UBE2G2: variants seen among roughly 807,000 people sequenced by gnomAD.
The protein encoded by UBE2G2 is ubiquitin conjugating enzyme E2 G2.
In UBE2G2, 10 loss-of-function variants were observed where a neutral mutation model predicts 23.0. The ratio of observed to expected loss-of-function variants is 0.43; its 90% CI spans 0.27 to 0.74. UBE2G2 has a LOEUF of 0.74. Among genes scored for constraint, UBE2G2 ranks in the 30% least tolerant of loss-of-function variants. UBE2G2 has a pLI of 0.19. For missense variants in UBE2G2, 150 were observed against 218.3 expected (o/e 0.69, Z 1.97); for synonymous variants, 86 against 81.3 (o/e 1.06, Z -0.31).
At chr21:44,790,806 CA>C (rs1428678046) in intron 1 of UBE2G2, among the ~76,000 whole-genome samples, 2 of 152,100 alleles carry the variant, frequency 1.3e-5, no homozygotes, top group African/African-American at 4.8e-5. Context: ...AAATTGGTAC[CA>C]GGGGTACTGC....
intron 3 of UBE2G2, among the ~76,000 whole-genome samples, chr21:44,782,237 A>G (rs1555961427): frequency 6.6e-6 from 1 of 152,174 alleles, no homozygotes; most frequent in Non-Finnish European, 1.5e-5. Context: ...AAATTCACAT[A>G]CTCTAATCTA....
At chr21:44,797,978 A>G (rs1248198005) in intron 1 of UBE2G2, among the ~76,000 whole-genome samples, 3 of 152,010 alleles carry the variant, frequency 2.0e-5, no homozygotes, top group African/African-American at 7.3e-5. Context: ...CCCTGACAAC[A>G]TAGAGGGAGG....
chr21:44,785,181 G>A (rs2082985880), intron 3 of UBE2G2, among the ~76,000 whole-genome samples: 1 of 152,204 alleles, frequency 6.6e-6, no homozygotes, highest in South Asian at 2.1e-4. Context: ...ACTGGGCCAA[G>A]AGCAGCAGGC....
intron 1 of UBE2G2, among the ~76,000 whole-genome samples, chr21:44,791,935 G>A (rs2083048760): frequency 6.6e-6 from 1 of 152,246 alleles, no homozygotes; most frequent in African/African-American, 2.4e-5. Context: ...CCCTGTATCA[G>A]TGTGCCCTGG....
chr21:44,773,805 T>C (rs2082892355), intron 4 of UBE2G2, 118 bp from the exon 5 acceptor site: 1 of 1,394,536 alleles, frequency 7.2e-7, no homozygotes, highest in South Asian at 1.4e-5. Flanking sequence ...CCAAGCTGTT[T>C]GCACAGCTGG....
At position 44,771,551 on chromosome 21, in the gene UBE2G2, G is replaced by T; in HGVS notation, c.386-62C>A. 1 of 1,535,344 alleles carries T rather than the reference G, an allele frequency of 6.5e-7. No homozygotes were observed. Among genetic ancestry groups the T allele is most frequent in the Non-Finnish European group, 8.9e-7 (1 of 1,120,868 alleles). ...GTCTTATACGTAAGCAGCCTGGCAAGGTCTCCCATTTATTTAAAACACTGG... is the reference window on the plus strand; with the variant it reads ...GTCTTATACGTAAGCAGCCTGGCAATGTCTCCCATTTATTTAAAACACTGG... On this transcript the variant is annotated intron_variant, in intron 5 of 5. Coordinates refer to ENST00000345496, the MANE Select transcript of UBE2G2 (RefSeq NM_003343.6). The surrounding 1 kb of genome is among the most constrained non-coding windows in gnomAD (Gnocchi z 4.6).
At chr21:44,790,472 C>A (rs2083034372) in intron 1 of UBE2G2, among the ~76,000 whole-genome samples, 1 of 152,242 alleles carries the variant, frequency 6.6e-6, no homozygotes, top group Non-Finnish European at 1.5e-5. Flanking sequence ...CAAATTTCAT[C>A]TTGAATTGTA....
chr21:44,790,891 G>A (rs2083037672), intron 1 of UBE2G2, among the ~76,000 whole-genome samples: 2 of 152,230 alleles, frequency 1.3e-5, no homozygotes. Context: ...AGTTTGAAGG[G>A]CTTAGAAGAA....
At chr21:44,779,515 C>T (rs540740337) in intron 3 of UBE2G2, among the ~76,000 whole-genome samples, 10 of 152,142 alleles carry the variant, frequency 6.6e-5, no homozygotes, top group South Asian at 2.1e-4. Context: ...GTACCCCCCC[C>T]GGCCCACACT....
At chr21:44,788,209 AC>A in intron 1 of UBE2G2, 114 bp from the exon 2 acceptor site, 1 of 1,006,480 alleles carries the variant, frequency 9.9e-7, no homozygotes. Flanking sequence ...ATGCATATTA[AC>A]AAGTGAAAAT....
intron 2 of UBE2G2, 36 bp from the exon 3 acceptor site, chr21:44,788,001 T>G (rs1374126910): frequency 1.2e-6 from 2 of 1,610,996 alleles, no homozygotes; most frequent in Non-Finnish European, 1.7e-6. Flanking sequence ...ACATTTTAAC[T>G]TTGAAGGAAC....
intron 1 of UBE2G2, among the ~76,000 whole-genome samples, chr21:44,794,358 T>C (rs1434632483): frequency 6.6e-6 from 1 of 152,216 alleles, no homozygotes; most frequent in African/African-American, 2.4e-5. Flanking sequence ...AACTTTGATA[T>C]GGATCCCAAA....
chr21:44,778,237 A>G (rs1483474352), intron 3 of UBE2G2, among the ~76,000 whole-genome samples: 1 of 152,270 alleles, frequency 6.6e-6, no homozygotes, highest in African/African-American at 2.4e-5. Flanking sequence ...TGCAACCTTC[A>G]AGAAGCAGAT....
chr21:44,787,991 A>G lies in UBE2G2; in HGVS notation c.80-26T>C, dbSNP rs200782379. 1.9e-6 allele frequency: 3 copies of G among 1,611,676 alleles called. No homozygotes were observed. The East Asian group carries it at 6.7e-5, about 36-fold the overall frequency. On this transcript the variant is annotated intron_variant, in intron 2 of 5. Coordinates refer to ENST00000345496, the MANE Select transcript of UBE2G2 (RefSeq NM_003343.6). ...CTGTAGGGTGAGAAAAAATTTCACA[A>G]CATTTTAACTTTGAAGGAACTTTGG...
chr21:44,775,068 A>C, intron 4 of UBE2G2: 1 of 193,566 alleles, frequency 5.2e-6, no homozygotes, highest in Non-Finnish European at 1.1e-5. Flanking sequence ...CATTCTGGTC[A>C]TGCCACTCCC....
chr21:44,796,510 T>TAC (rs1451890196), intron 1 of UBE2G2, among the ~76,000 whole-genome samples: 1 of 151,946 alleles, frequency 6.6e-6, no homozygotes. Context: ...GATGTTAAGA[T>TAC]ACACACACAA....
intron 3 of UBE2G2, 137 bp from the exon 4 acceptor site, chr21:44,777,554 TC>T: frequency 1.2e-6 from 1 of 801,094 alleles, no homozygotes; most frequent in Non-Finnish European, 2.1e-6. Flanking sequence ...ACGCCTGTAA[TC>T]CCAGCACTTT....
chr21:44,769,337 C>T lies in UBE2G2; in HGVS notation c.*2040G>A, dbSNP rs1195857845. 2.0e-5 allele frequency: 3 copies of T among 152,050 alleles called. No homozygotes were observed. Among genetic ancestry groups the T allele is most frequent in the Non-Finnish European group, 2.9e-5 (2 of 68,090 alleles). 9.4% of individuals were successfully genotyped at this position (152,050 alleles called of 1,614,324 possible). A position where few individuals can be genotyped will look rare whatever the true frequency, so the allele number is the denominator to read the frequency against. Reference sequence around the variant, plus strand: ...AACATAGGTATAATACCGCTCCTTTCCCCCATCTCCTTCCAAATACGAGTT... The same window carrying T: ...AACATAGGTATAATACCGCTCCTTTTCCCCATCTCCTTCCAAATACGAGTT... On this transcript the variant is annotated 3_prime_UTR_variant, in exon 6 of 6. Coordinates refer to ENST00000345496, the MANE Select transcript of UBE2G2 (RefSeq NM_003343.6).
chr21:44,784,352 A>G (rs2082979136), intron 3 of UBE2G2, among the ~76,000 whole-genome samples: 1 of 152,196 alleles, frequency 6.6e-6, no homozygotes, highest in South Asian at 2.1e-4. Context: ...TTTTACAGCT[A>G]CATGGCATTA....
Sources: gnomAD v4.1 joint callset for allele counts (sites outside exome capture counted in the v4.1 genomes callset) on GRCh38, gnomAD v4.1.1 for gene constraint, Gnocchi (gnomAD v3.1) non-coding constraint, MANE v1.5 for transcripts, NCBI Gene and HGNC (gene_info 2026-07-23, HGNC 2026-07-21) for gene names.